The following F13A1 variants were observed in gnomAD, a reference collection of about 807,000 sequenced individuals.
The protein encoded by F13A1 is FSF, A subunit.
Under a neutral mutation model 80.1 loss-of-function variants are expected in F13A1, and 47 were observed. The ratio of observed to expected loss-of-function variants is 0.59; its 90% CI spans 0.46 to 0.75. The LOEUF (loss-of-function observed/expected upper bound fraction) is 0.75, where lower values mean the gene tolerates loss of function less well. Among genes scored for constraint, F13A1 ranks in the 30% least tolerant of loss-of-function variants. The pLI, the probability that F13A1 is intolerant of heterozygous loss-of-function variation, is 0.00. For synonymous variants in F13A1, 349 were observed against 344.9 expected (o/e 1.01, Z -0.13); for missense variants, 817 against 930.4 (o/e 0.88, Z 1.59).
chr6:6,271,555 C>A (rs1173151185), intron 3 of F13A1, among the ~76,000 whole-genome samples: 2 of 152,146 alleles, frequency 1.3e-5, no homozygotes, highest in African/African-American at 2.4e-5. Flanking sequence ...TTAAAAACAT[C>A]AGGGCAAGAA....
chr6:6,150,568 G>T (rs1192366176), intron 14 of F13A1, among the ~76,000 whole-genome samples: 1 of 152,208 alleles, frequency 6.6e-6, no homozygotes, highest in African/African-American at 2.4e-5. Context: ...GCCCCAGAGG[G>T]TATAAGTGAG....
chr6:6,288,715 G>C (rs1461339931), intron 3 of F13A1, among the ~76,000 whole-genome samples: 1 of 152,170 alleles, frequency 6.6e-6, no homozygotes, highest in Non-Finnish European at 1.5e-5. Flanking sequence ...TGCTAGTTTT[G>C]TGAGGAACTG....
chr6:6,158,955 G>C (rs1219289910), intron 13 of F13A1, among the ~76,000 whole-genome samples: 1 of 148,248 alleles, frequency 6.7e-6, no homozygotes, highest in African/African-American at 2.5e-5. Context: ...AGGCTGGAGT[G>C]CAGTGGTGTG....
Position 6,174,575 on chromosome 6 carries a change from C to T in F13A1, c.1747+5G>A. The stretch of plus-strand genomic sequence containing the variant: ...TCAGAAAGAACCACACCATTGTTAG[C>T]TTACAGGACAAGGGCTCCAGCGTCA... On this transcript the variant is annotated splice_donor_5th_base_variant and intron_variant, in intron 12 of 14. Transcript: ENST00000264870. 6.2e-7 allele frequency: 1 copy of T among 1,614,088 alleles called. No individual in the cohort carries two copies.
At chr6:6,190,923 G>A (rs369537142) in intron 10 of F13A1, among the ~76,000 whole-genome samples, 26 of 148,016 alleles carry the variant, frequency 1.8e-4, no homozygotes, top group East Asian at 9.8e-4. Context: ...ATATAATCTC[G>A]TGGTGCGCCG....
chr6:6,182,523 G>T (rs1761006624), intron 10 of F13A1, among the ~76,000 whole-genome samples: 1 of 152,178 alleles, frequency 6.6e-6, no homozygotes, highest in Non-Finnish European at 1.5e-5. Flanking sequence ...CTACTGCCAG[G>T]AGGAAGAGGA....
At chr6:6,293,567 G>C (rs1332906734) in intron 3 of F13A1, among the ~76,000 whole-genome samples, 1 of 151,768 alleles carries the variant, frequency 6.6e-6, no homozygotes, top group African/African-American at 2.4e-5. Context: ...ACTCATGAAC[G>C]CAGTTATCAA....
intron 2 of F13A1, among the ~76,000 whole-genome samples, chr6:6,316,192 C>A (rs1311142887): frequency 1.6e-5 from 2 of 128,526 alleles, no homozygotes; most frequent in African/African-American, 2.9e-5. Flanking sequence ...TGATTCTGGG[C>A]TTCAGAAACC....
chr6:6,216,852 C>T lies in F13A1; in HGVS notation c.1112+5181G>A, dbSNP rs1242560958. 9.6e-4 allele frequency among the ~76,000 whole-genome samples: 142 copies of T among 147,546 alleles called. 2 individuals carry two copies. In the East Asian group the frequency reaches 0.021, roughly 22 times the overall value. ...ACAAGAAAAAAACAAACAACCCCAT[C>T]GAAAAGTGGGCAAAGGACATGAACA... On this transcript the variant is annotated intron_variant, in intron 8 of 14. Transcript: ENST00000264870.
rs139759772 is a variant in F13A1 at position 6,184,655 on chromosome 6, A to G, written c.1306-2514T>C. Among the ~76,000 whole-genome samples the G allele has an allele frequency of 3.1e-3, 470 of 152,344 alleles. 1 individual carries two copies. Among genetic ancestry groups the G allele is most frequent in the South Asian group, 0.018 (87 of 4,830 alleles). Reference sequence around the variant, plus strand: ...TCTACTTTCAAATCGTAGCAACAATAATGATAAATAACTTCTTAATAACAA... The same window carrying G: ...TCTACTTTCAAATCGTAGCAACAATGATGATAAATAACTTCTTAATAACAA... On this transcript the variant is annotated intron_variant, in intron 10 of 14. Transcript: ENST00000264870.
intron 13 of F13A1, among the ~76,000 whole-genome samples, chr6:6,161,524 A>AGGTGTGTGTGTGTG (rs1760572520): frequency 7.5e-6 from 1 of 133,556 alleles, no homozygotes. Context: ...CAGAGAGAGG[A>AGGTGTGTGTGTGTG]TGTGTGTGTG....
At chr6:6,316,402 T>C (rs575931663) in intron 2 of F13A1, among the ~76,000 whole-genome samples, 1 of 151,972 alleles carries the variant, frequency 6.6e-6, no homozygotes, top group South Asian at 2.1e-4. Flanking sequence ...GTGCCTCTAA[T>C]GGATATCCCA....
At chr6:6,173,494 G>A (rs774325357) in intron 12 of F13A1, among the ~76,000 whole-genome samples, 9 of 148,086 alleles carry the variant, frequency 6.1e-5, no homozygotes, top group African/African-American at 1.3e-4. Flanking sequence ...TGCAACCTCC[G>A]CCTCCCGGGT....
intron 14 of F13A1, among the ~76,000 whole-genome samples, chr6:6,149,041 T>A (rs1352352274): frequency 1.3e-5 from 2 of 151,596 alleles, no homozygotes; most frequent in Non-Finnish European, 2.9e-5. Context: ...AGAACAGTGG[T>A]TACCAGAGAC....
intron 8 of F13A1, among the ~76,000 whole-genome samples, chr6:6,221,061 T>C (rs1757186003): frequency 6.6e-6 from 1 of 152,176 alleles, no homozygotes; most frequent in South Asian, 2.1e-4. Flanking sequence ...ACAGAAAGTG[T>C]TTTAGCTTTA....
At chr6:6,157,538 G>C (rs1760497754) in intron 13 of F13A1, among the ~76,000 whole-genome samples, 1 of 152,148 alleles carries the variant, frequency 6.6e-6, no homozygotes, top group African/African-American at 2.4e-5. Context: ...TGAGGACGAG[G>C]ATTATAAGTT....
intron 2 of F13A1, among the ~76,000 whole-genome samples, chr6:6,307,440 C>A (rs1197422186): frequency 6.6e-6 from 1 of 152,216 alleles, no homozygotes; most frequent in Non-Finnish European, 1.5e-5. Context: ...AGACCACAAT[C>A]CCCGTGATAA....
chr6:6,226,147 G>A (rs1757272920), intron 6 of F13A1, among the ~76,000 whole-genome samples: 1 of 152,210 alleles, frequency 6.6e-6, no homozygotes, highest in Admixed American at 6.5e-5. Context: ...CTCTCTTGGT[G>A]TAACGTTGAT....
chr6:6,301,508 G>T (rs947204869), intron 3 of F13A1, among the ~76,000 whole-genome samples: 5 of 152,164 alleles, frequency 3.3e-5, no homozygotes, highest in Admixed American at 6.5e-5. Context: ...GCTTAACTCT[G>T]AACGCACACA....
Sources: allele counts gnomAD v4.1 joint callset (sites outside exome capture counted in the v4.1 genomes callset), GRCh38; gene constraint gnomAD v4.1.1; transcripts MANE v1.5; gene names NCBI Gene and HGNC (gene_info 2026-07-23, HGNC 2026-07-21).